The following TMEM132D variants were observed in gnomAD, a reference collection of about 807,000 sequenced individuals.
TMEM132D encodes the protein transmembrane protein 132D, also known as mature OL transmembrane protein.
Under a neutral mutation model 62.3 loss-of-function variants are expected in TMEM132D, and 21 were observed. That is an observed-to-expected ratio of 0.34 (90% CI 0.24 to 0.49). TMEM132D has a LOEUF of 0.49. Among genes scored for constraint, TMEM132D ranks in the 20% least tolerant of loss-of-function variants. The pLI is 0.99. For synonymous variants in TMEM132D, 621 were observed against 575.6 expected, an observed-to-expected ratio of 1.08 and a Z score of -1.13; for missense variants, 1,346 against 1,402.8, an observed-to-expected ratio of 0.96 and a Z score of 0.65.
chr12:129,699,904 T>G lies in TMEM132D; in HGVS notation c.874A>C (p.Ile292Leu). ...RELRLDNSVAIHYIPKTVRKG... is the reference protein window; with the variant it reads ...RELRLDNSVALHYIPKTVRKG... ...CTCACGGTCTTTGGTATATAGTGGA[T>G]GGCCACGCTGTTGTCCAGACGCAGT... Residue 292 changes from isoleucine (I) to leucine (L), a missense_variant, in exon 2 of 9, where the codon ATC becomes CTC. Coordinates refer to ENST00000422113, the MANE Select transcript of TMEM132D (RefSeq NM_133448.3). 6.2e-7 allele frequency: 1 copy of G among 1,614,192 alleles called. No homozygotes were observed. The highest frequency in any genetic ancestry group is 2.2e-5 in the East Asian group (1 of 44,880).
chr12:129,261,034 G>A (rs1392164340), intron 4 of TMEM132D, among the ~76,000 whole-genome samples: 1 of 152,172 alleles, frequency 6.6e-6, no homozygotes, highest in Non-Finnish European at 1.5e-5. Context: ...ACCCAAGAGT[G>A]GGATTGCTGG....
chr12:129,814,420 C>T (rs1872281396), intron 1 of TMEM132D, among the ~76,000 whole-genome samples: 1 of 151,868 alleles, frequency 6.6e-6, no homozygotes, highest in Non-Finnish European at 1.5e-5. Context: ...ACCAGCCTGA[C>T]CAACATGTAG....
chr12:129,343,131 G>A (rs550623968), intron 3 of TMEM132D, among the ~76,000 whole-genome samples: 1 of 152,336 alleles, frequency 6.6e-6, no homozygotes, highest in Admixed American at 6.5e-5. Flanking sequence ...GCACATGTAT[G>A]TTTATTGCGG....
At chr12:129,232,628 C>A (rs1313575545) in intron 4 of TMEM132D, among the ~76,000 whole-genome samples, 1 of 152,180 alleles carries the variant, frequency 6.6e-6, no homozygotes, top group South Asian at 2.1e-4. Context: ...TGCCCCAGGT[C>A]CCCTGCTCAC....
chr12:129,180,268 C>G (rs1878028770), intron 5 of TMEM132D, among the ~76,000 whole-genome samples: 1 of 152,084 alleles, frequency 6.6e-6, no homozygotes, highest in Non-Finnish European at 1.5e-5. Flanking sequence ...TGTTCTCACT[C>G]TGCATGATTT....
At chr12:129,314,634 T>C (rs1465783286) in intron 4 of TMEM132D, among the ~76,000 whole-genome samples, 1 of 152,224 alleles carries the variant, frequency 6.6e-6, no homozygotes, top group Non-Finnish European at 1.5e-5. Context: ...AATTTTAGAA[T>C]TGTTTTTTCT....
Position 129,073,541 on chromosome 12 carries a change from C to A in TMEM132D, c.*334G>T, listed in dbSNP as rs888274270. 1 of 224,492 alleles carries A rather than the reference C, an allele frequency of 4.5e-6. No individual in the cohort carries two copies. Among genetic ancestry groups the A allele is most frequent in the Non-Finnish European group, 8.6e-6 (1 of 115,632 alleles). The allele number at this position is 224,492 out of a possible 1,614,324, so 13.9% of individuals were successfully genotyped here. ...GAATATTGGAGCCATGTGGATTTTACAATATCCAAATTGCTTTGATTCGAG... is the reference window on the plus strand; with the variant it reads ...GAATATTGGAGCCATGTGGATTTTAAAATATCCAAATTGCTTTGATTCGAG... On this transcript the variant is annotated 3_prime_UTR_variant, in exon 9 of 9. Coordinates refer to ENST00000422113, the MANE Select transcript of TMEM132D (RefSeq NM_133448.3).
intron 4 of TMEM132D, among the ~76,000 whole-genome samples, chr12:129,316,277 G>A (rs1052745514): frequency 5.9e-5 from 9 of 152,020 alleles, no homozygotes; most frequent in South Asian, 2.1e-4. Context: ...TGATGTAGGC[G>A]TTTAGGGTTA....
chr12:129,498,249 CTTTTA>C (rs67297992), intron 3 of TMEM132D, among the ~76,000 whole-genome samples: 67,928 of 151,270 alleles, frequency 0.45, 16,095 homozygotes, highest in Non-Finnish European at 0.53. Flanking sequence ...TGTCCAAAAT[CTTTTA>C]TTTGTTTGTT....
In TMEM132D at chr12:129,337,676, A is replaced by G. The variant is rs1351396807; in HGVS notation, c.1257T>C (p.Tyr419=). ...CTCCAATCAAGTCCTTTGGGCTCAC[A>G]TAGATCTTGGACACTCCCAAGTCAG... ...ITSDLGVSKI[Y]VSPKDLIGVV... Residue 419 remains tyrosine, a synonymous_variant, in exon 4 of 9, where the codon TAT becomes TAC. Transcript: ENST00000422113. 6.2e-7 allele frequency: 1 copy of G among 1,614,126 alleles called. No homozygotes were observed. Among genetic ancestry groups the G allele is most frequent in the Non-Finnish European group, 8.5e-7 (1 of 1,180,010 alleles).
intron 3 of TMEM132D, among the ~76,000 whole-genome samples, chr12:129,425,997 G>A (rs1872486195): frequency 6.6e-6 from 1 of 152,232 alleles, no homozygotes; most frequent in African/African-American, 2.4e-5. Context: ...GTAGTGCCCA[G>A]TATTTGCAGG....
At chr12:129,578,679 C>T (rs1452983574) in intron 2 of TMEM132D, among the ~76,000 whole-genome samples, 2 of 152,102 alleles carry the variant, frequency 1.3e-5, no homozygotes, top group South Asian at 2.1e-4. Context: ...CACGTGAAGG[C>T]CAGAGAACTG....
At chr12:129,549,635 G>T (rs2137104634) in intron 2 of TMEM132D, among the ~76,000 whole-genome samples, 1 of 152,246 alleles carries the variant, frequency 6.6e-6, no homozygotes, top group Middle Eastern at 3.4e-3. Context: ...AAATTACCCA[G>T]TCGCAGGTAT....
intron 5 of TMEM132D, among the ~76,000 whole-genome samples, chr12:129,108,522 G>A (rs1875576918): frequency 6.6e-6 from 1 of 152,150 alleles, no homozygotes; most frequent in Non-Finnish European, 1.5e-5. Flanking sequence ...TCAGCAGGAG[G>A]GAGATGACTC....
rs1278332369 is a variant in TMEM132D at position 129,429,564 on chromosome 12, A to G, written c.1116-91747T>C. Among the ~76,000 whole-genome samples, 2 of 148,708 alleles carry G rather than the reference A, an allele frequency of 1.3e-5. 1 individual carries two copies. The highest frequency in any genetic ancestry group is 3.0e-5 in the Non-Finnish European group (2 of 67,468). On this transcript the variant is annotated intron_variant, in intron 3 of 8. Transcript: ENST00000422113. ...AGCTGAGACACAGGTGTGTGCCACC[A>G]CACCCAGCTAATTCTTTCTTTTTTT...
chr12:129,599,106 G>A (rs978374474), intron 2 of TMEM132D, among the ~76,000 whole-genome samples: 1 of 152,162 alleles, frequency 6.6e-6, no homozygotes. Context: ...CCAAGCTGAG[G>A]ATGCAGAGAG....
chr12:129,236,884 T>C (rs1879800543), intron 4 of TMEM132D, among the ~76,000 whole-genome samples: 1 of 152,210 alleles, frequency 6.6e-6, no homozygotes, highest in Non-Finnish European at 1.5e-5. Flanking sequence ...GTCTGTATTA[T>C]GTTGAGGTAA....
chr12:129,890,947 A>G (rs919626604), intron 1 of TMEM132D, among the ~76,000 whole-genome samples: 5 of 152,202 alleles, frequency 3.3e-5, no homozygotes, highest in African/African-American at 1.2e-4. Flanking sequence ...GCATTAAGGC[A>G]GCAGGGGCCT....
chr12:129,224,473 CAGCA>C (rs1879429034), intron 4 of TMEM132D, among the ~76,000 whole-genome samples: 7 of 152,312 alleles, frequency 4.6e-5, no homozygotes, highest in Middle Eastern at 3.4e-3. Context: ...TTCATGTCAC[CAGCA>C]AGTACGGACT....
Sources: allele counts gnomAD v4.1 joint callset (sites outside exome capture counted in the v4.1 genomes callset), GRCh38; gene constraint gnomAD v4.1.1; transcripts MANE v1.5; gene names NCBI Gene and HGNC (gene_info 2026-07-23, HGNC 2026-07-21).